PHKG1: variants seen among roughly 807,000 people sequenced by gnomAD.
The protein encoded by PHKG1 is phosphorylase kinase catalytic subunit gamma 1.
In PHKG1, 48 loss-of-function variants were observed where a neutral mutation model predicts 50.5. That is an observed-to-expected ratio of 0.95 (90% CI 0.75 to 1.21). The LOEUF (loss-of-function observed/expected upper bound fraction) is 1.21, where lower values mean the gene tolerates loss of function less well. PHKG1 is among the 50% of genes most tolerant of loss of function. PHKG1 has a pLI of 0.00. For missense variants in PHKG1, 487 were observed against 519.5 expected (o/e 0.94, Z 0.61); for synonymous variants, 204 against 212.8 (o/e 0.96, Z 0.36).
chr7:56,083,612 G>A (rs893897230), intron 5 of PHKG1, 38 bp downstream of exon 5: 8 of 1,549,734 alleles, frequency 5.2e-6, no homozygotes, highest in Middle Eastern at 1.7e-4. Flanking sequence ...CCTAAGCCAC[G>A]TGGGAGGGAG....
chr7:56,090,012 CTTG>C (rs1796435090), intron 1 of PHKG1, among the ~76,000 whole-genome samples: 1 of 152,160 alleles, frequency 6.6e-6, no homozygotes, highest in Admixed American at 6.6e-5. Flanking sequence ...CTTATCTCCC[CTTG>C]TTGTGACTGT....
intron 5 of PHKG1, 103 bp from the exon 6 acceptor site, chr7:56,083,544 C>T (rs1796119088): frequency 1.3e-6 from 2 of 1,515,660 alleles, no homozygotes; most frequent in Non-Finnish European, 1.8e-6. Context: ...GAGCAGCACA[C>T]ACGCCCAGCC....
At chr7:56,085,600 A>G (rs1244724205) in intron 4 of PHKG1, among the ~76,000 whole-genome samples, 2 of 152,114 alleles carry the variant, frequency 1.3e-5, no homozygotes, top group East Asian at 1.9e-4. Context: ...TCTCTCCTCA[A>G]TACTGCTGGC....
intron 7 of PHKG1, 57 bp from the exon 8 acceptor site, chr7:56,082,103 C>T: frequency 1.2e-6 from 2 of 1,610,984 alleles, no homozygotes; most frequent in Non-Finnish European, 1.7e-6. Context: ...CGGCCCAGCC[C>T]TGCCTACTTC....
chr7:56,083,131 GA>G (rs914341032), intron 6 of PHKG1, 146 bp downstream of exon 6: 26 of 623,424 alleles, frequency 4.2e-5, no homozygotes, highest in South Asian at 9.3e-5. Flanking sequence ...GAAAGAAAAA[GA>G]AAAAAAAATC....
At chr7:56,092,219 A>G (rs924312219) in intron 1 of PHKG1, among the ~76,000 whole-genome samples, 3 of 150,568 alleles carry the variant, frequency 2.0e-5, no homozygotes, top group Admixed American at 1.3e-4. Context: ...TGCCCCACCC[A>G]CCCCTCACAC....
chr7:56,086,985 A>G lies in PHKG1; in HGVS notation c.302T>C (p.Phe101Ser). 1 of 1,613,316 alleles carries G rather than the reference A, an allele frequency of 6.2e-7. No individual in the cohort carries two copies. The highest frequency in any genetic ancestry group is 8.5e-7 in the Non-Finnish European group (1 of 1,179,486). ...GGGTACTTACAGGTCAAACACCAAG[A>G]AGAAGAAAGTGTTGGTCTCATAAGT... ...KDTYETNTFF[F>S]LVFDLMKRGE... Residue 101 changes from phenylalanine to serine, a missense_variant, in exon 4 of 10, where the codon TTC (phenylalanine) becomes TCC (serine). Transcript: ENST00000297373.
intron 1 of PHKG1, among the ~76,000 whole-genome samples, chr7:56,089,886 C>T (rs1796428599): frequency 6.6e-6 from 1 of 152,068 alleles, no homozygotes; most frequent in Admixed American, 6.6e-5. Flanking sequence ...GTCTCAAACT[C>T]CTGGCCTCAA....
intron 2 of PHKG1, among the ~76,000 whole-genome samples, chr7:56,088,113 C>T (rs1489384795): frequency 7.0e-6 from 1 of 143,446 alleles, no homozygotes; most frequent in African/African-American, 2.6e-5. Context: ...TAGCTCACTG[C>T]AACCTCCACC....
intron 3 of PHKG1, 32 bp from the exon 4 acceptor site, chr7:56,087,056 A>C: frequency 6.3e-7 from 1 of 1,591,494 alleles, no homozygotes; most frequent in Non-Finnish European, 8.6e-7. Context: ...TGTCTCAAGT[A>C]GCAGGGGAGC....
chr7:56,089,026 TCTC>T (rs772657316), intron 1 of PHKG1, 51 bp from the exon 2 acceptor site: 65 of 847,398 alleles, frequency 7.7e-5, no homozygotes, highest in Middle Eastern at 6.6e-4. Context: ...CAGGGGCTGT[TCTC>T]CTTGGGGTCT....
Position 56,092,858 on chromosome 7 carries a change from G to A in PHKG1, c.-57C>T, listed in dbSNP as rs538330426. On this transcript the variant is annotated 5_prime_UTR_variant, in exon 1 of 10. Coordinates refer to ENST00000297373, the MANE Select transcript of PHKG1 (RefSeq NM_006213.5). The stretch of plus-strand genomic sequence containing the variant: ...CACGGTTAAGTGCTTGCAGGCTCTT[G>A]AAGGAGCTTGACAAGAATCCCAAAG... 6.6e-6 allele frequency: 1 copy of A among 152,366 alleles called. No homozygotes were observed. The highest frequency in any genetic ancestry group is 2.4e-5 in the African/African-American group (1 of 41,586). 9.4% of individuals were successfully genotyped at this position (152,366 alleles called of 1,614,324 possible).
Position 56,081,572 on chromosome 7 carries a change from G to A in PHKG1, c.918+58C>T. ...GGGTGTAAGGACTCCTGGGAGAGGA[G>A]GGGGCTTAGAGGTTTGCACTTAGGG... On this transcript the variant is annotated intron_variant, in intron 9 of 9. Coordinates refer to ENST00000297373, the MANE Select transcript of PHKG1 (RefSeq NM_006213.5). This position sits in a 1 kb window ranked among gnomAD's most constrained non-coding sequence, Gnocchi z 4.6. 1.3e-6 allele frequency: 2 copies of A among 1,589,592 alleles called. No individual in the cohort carries two copies. The highest frequency in any genetic ancestry group is 2.2e-5 in the South Asian group (2 of 90,082).
At chr7:56,082,755 C>G (rs1352982507) in intron 6 of PHKG1, among the ~76,000 whole-genome samples, 1 of 152,308 alleles carries the variant, frequency 6.6e-6, no homozygotes, top group East Asian at 1.9e-4. Context: ...CTGGTCACTT[C>G]TAGCCATCCT....
Position 56,088,990 on chromosome 7 carries a change from G to T in PHKG1, c.-34-15C>A. On this transcript the variant is annotated splice_polypyrimidine_tract_variant and intron_variant, in intron 1 of 9. Transcript: ENST00000297373. ...TCTGGGTGGCTCTGAGAGGGGAAAA[G>T]AAAGAAGCTGTCAGCCTTCCTGACC... The T allele has an allele frequency of 7.6e-7, 1 of 1,314,796 alleles. No individual in the cohort carries two copies. The highest frequency in any genetic ancestry group is 1.1e-6 in the Non-Finnish European group (1 of 912,882). The allele number at this position is 1,314,796 out of a possible 1,614,324, so 81.4% of individuals were successfully genotyped here.
intron 2 of PHKG1, chr7:56,088,463 C>T (rs6951202): frequency 0.17 from 26,087 of 150,508 alleles, 2,566 homozygotes; most frequent in Admixed American, 0.24. Flanking sequence ...AGGCAGAGAT[C>T]GTAGTGAGTC....
At chr7:56,082,391 G>A (rs568732075) in intron 6 of PHKG1, 138 bp from the exon 7 acceptor site, 17 of 619,834 alleles carry the variant, frequency 2.7e-5, no homozygotes, top group Middle Eastern at 8.7e-4. Context: ...CCAGGAGTTC[G>A]AGACCAGCCT....
chr7:56,081,008 T>C lies in PHKG1; in HGVS notation c.*46A>G. 1 of 1,604,402 alleles carries C rather than the reference T, an allele frequency of 6.2e-7. No individual in the cohort carries two copies. Among genetic ancestry groups the C allele is most frequent in the Non-Finnish European group, 8.5e-7 (1 of 1,175,906 alleles). On this transcript the variant is annotated 3_prime_UTR_variant, in exon 10 of 10. Transcript: ENST00000297373. This position sits in a 1 kb window ranked among gnomAD's most constrained non-coding sequence, Gnocchi z 4.6. ...CCCCTTTGACTTGTATTTCCATGGC[T>C]TCCCCTCCCCACCTGCCCCCTAGCC...
chr7:56,087,721 C>T lies in PHKG1; in HGVS notation c.139G>A (p.Ala47Thr), dbSNP rs139265299. 4,001 of 1,613,824 alleles carry T rather than the reference C, an allele frequency of 2.5e-3. 10 individuals are homozygous for T. Among genetic ancestry groups the T allele is most frequent in the Non-Finnish European group, 3.1e-3 (3,623 of 1,180,026 alleles). ...CIHKPTSQEYAVKVIDVTGGG... is the reference protein window; with the variant it reads ...CIHKPTSQEYTVKVIDVTGGG... Reference sequence around the variant, plus strand: ...CCGGTGACGTCGATGACCTTCACGGCGTACTCCTGGCTCGTGGGCTTGTGG... The same window carrying T: ...CCGGTGACGTCGATGACCTTCACGGTGTACTCCTGGCTCGTGGGCTTGTGG... Residue 47 changes from alanine (A) to threonine (T), a missense_variant, in exon 3 of 10, where the codon GCC (alanine) becomes ACC (threonine). Coordinates refer to ENST00000297373, the MANE Select transcript of PHKG1 (RefSeq NM_006213.5).
Sources: allele counts gnomAD v4.1 joint callset (sites outside exome capture counted in the v4.1 genomes callset), GRCh38; gene constraint gnomAD v4.1.1; non-coding constraint Gnocchi (gnomAD v3.1); transcripts MANE v1.5; gene names NCBI Gene and HGNC (gene_info 2026-07-23, HGNC 2026-07-21).